IGFBP3: variants seen among roughly 807,000 people sequenced by gnomAD.
IGFBP3 encodes the protein insulin-like growth factor-binding protein 3.
IGFBP3 carries 9 observed loss-of-function variants against 28.6 expected under a neutral mutation model. The ratio of observed to expected loss-of-function variants is 0.31; its 90% CI spans 0.19 to 0.55. The LOEUF is 0.55. IGFBP3 is among the 20% of genes least tolerant of loss of function. IGFBP3 has a pLI of 0.93. For missense variants in IGFBP3, 382 were observed against 428.9 expected, an observed-to-expected ratio of 0.89 and a Z score of 0.97; for synonymous variants, 185 against 188.2, an observed-to-expected ratio of 0.98 and a Z score of 0.14.
chr7:45,921,243 C>T lies in IGFBP3; in HGVS notation c.-103G>A. 1.3e-5 allele frequency: 17 copies of T among 1,344,884 alleles called. No homozygotes were observed. The highest frequency in any genetic ancestry group is 1.7e-5 in the Non-Finnish European group (17 of 987,540). 83.3% of individuals were successfully genotyped at this position (1,344,884 alleles called of 1,614,324 possible). ...GGAATCCAGGCAGGAAGCGGCTGAT[C>T]CTCAGCGCCCAGCCGCAGTGCTCGC... On this transcript the variant is annotated 5_prime_UTR_variant, in exon 1 of 5. Coordinates refer to ENST00000613132, the MANE Select transcript of IGFBP3 (RefSeq NM_000598.5).
chr7:45,917,370 T>G lies in IGFBP3; in HGVS notation c.473A>C (p.His158Pro), dbSNP rs9282734. 14,881 of 1,614,050 alleles carry G rather than the reference T, an allele frequency of 9.2e-3. 371 individuals carry two copies. The highest frequency in any genetic ancestry group is 0.09 in the East Asian group (4,041 of 44,860). Residue 158 changes from histidine (H) to proline (P), a missense_variant, in exon 2 of 5, where the codon CAC becomes CCC. Coordinates refer to ENST00000613132, the MANE Select transcript of IGFBP3 (RefSeq NM_000598.5). ...SVESPSVSST[H>P]RVSDPKFHPL... ...GTGGAACTTGGGATCAGACACCCGG[T>G]GCGTGCTGGAGACGGACGGGCTCTC...
Position 45,916,541 on chromosome 7 carries a change from C to T in IGFBP3, c.750+7G>A. On this transcript the variant is annotated splice_region_variant and intron_variant, in intron 3 of 4. Transcript: ENST00000613132. ...GAGGAAGAAAACACACTGAGGACCT[C>T]ACTCACCTGCTTTTTCTTATAAAAT... is the stretch of plus-strand genomic sequence containing the variant. 6.2e-7 allele frequency: 1 copy of T among 1,609,536 alleles called. No individual in the cohort carries two copies. The highest frequency in any genetic ancestry group is 8.5e-7 in the Non-Finnish European group (1 of 1,176,346).
At chr7:45,920,559 T>A (rs1784670657) in intron 1 of IGFBP3, 179 bp downstream of exon 1, 1 of 497,324 alleles carries the variant, frequency 2.0e-6, no homozygotes, top group Middle Eastern at 5.4e-4. Context: ...GAGGGCCGGC[T>A]GGGGAGGGTC....
At chr7:45,916,031 C>A (rs1562580543) in intron 3 of IGFBP3, among the ~76,000 whole-genome samples, 1 of 152,232 alleles carries the variant, frequency 6.6e-6, no homozygotes, top group Admixed American at 6.5e-5. Context: ...GAGTCACCAA[C>A]ATCTAGCAAC....
chr7:45,917,845 C>T (rs919931134), intron 1 of IGFBP3, among the ~76,000 whole-genome samples: 2 of 152,182 alleles, frequency 1.3e-5, no homozygotes, highest in African/African-American at 2.4e-5. Context: ...TCCTCCCACC[C>T]GCGGGAGCAG....
At chr7:45,920,708 C>T in intron 1 of IGFBP3, 30 bp downstream of exon 1, 1 of 1,365,062 alleles carries the variant, frequency 7.3e-7, no homozygotes, top group South Asian at 1.8e-5. Flanking sequence ...CCGGGTGCTG[C>T]ACGCAGCGCA....
intron 4 of IGFBP3, 85 bp downstream of exon 4, chr7:45,914,720 G>A (rs1784585455): frequency 1.5e-6 from 2 of 1,350,460 alleles, no homozygotes; most frequent in African/African-American, 2.9e-5. Context: ...GCCTGGGGAA[G>A]GGCCAGTGGC....
chr7:45,917,151 C>T (rs1365064122), intron 2 of IGFBP3, 62 bp downstream of exon 2: 21 of 1,375,148 alleles, frequency 1.5e-5, no homozygotes, highest in East Asian at 6.9e-5. Context: ...CCTCAAGAGG[C>T]TCTGAGTACC....
rs17847676 is a variant in IGFBP3, at chr7:45,914,941, C to T, written c.755G>A (p.Arg252His). The T allele has an allele frequency of 1.3e-4, 217 of 1,613,952 alleles. 2 individuals are homozygous for T. In the East Asian group the frequency reaches 3.7e-3, roughly 28 times the overall value. Residue 252 changes from arginine to histidine, a missense_variant, in exon 4 of 5, where the codon CGC (arginine) becomes CAC (histidine). By Grantham distance (29) the Arg-to-His change is conservative. Coordinates refer to ENST00000613132, the MANE Select transcript of IGFBP3 (RefSeq NM_000598.5). ...KKGFYKKKQC[R>H]PSKGRKRGFC... ...GCCCCGCTTCCTGCCTTTGGAAGGG[C>T]GACACTGTGGGAGAGAAACAGAAGA...
intron 3 of IGFBP3, among the ~76,000 whole-genome samples, chr7:45,915,774 G>A (rs35890775): frequency 0.019 from 2,946 of 152,312 alleles, 59 homozygotes; most frequent in East Asian, 0.075. Context: ...TGACTCTCAT[G>A]CCTTCTTCTC....
chr7:45,920,743 G>T lies in IGFBP3; in HGVS notation c.398C>A (p.Ala133Asp). ...ACCTGGCGCGGGCGGCTCACCTGGA[G>T]CTGGCGGCGCTGGCAGCAGGTAGGC... ...LRAYLLPAPP[A>D]PGNASESEED... The change falls in exon 1 of 5, where the codon GCT (alanine) becomes GAT (aspartate). Residue 133 changes from alanine to aspartate, a missense_variant. Coordinates refer to ENST00000613132, the MANE Select transcript of IGFBP3 (RefSeq NM_000598.5). 1 of 1,413,332 alleles carries T rather than the reference G, an allele frequency of 7.1e-7. No individual in the cohort carries two copies. Among genetic ancestry groups the T allele is most frequent in the Non-Finnish European group, 9.2e-7 (1 of 1,091,946 alleles). The allele number at this position is 1,413,332 out of a possible 1,614,324, so 87.5% of individuals were successfully genotyped here. A position where few individuals can be genotyped will look rare whatever the true frequency, so the allele number is the denominator to read the frequency against.
In IGFBP3 at chr7:45,915,267, G is replaced by A. The variant is rs146874773; in HGVS notation, c.751-322C>T. 1.1e-3 allele frequency: 300 copies of A among 265,622 alleles called. 2 individuals carry two copies. Among genetic ancestry groups the A allele is most frequent in the African/African-American group, 5.7e-3 (258 of 45,030 alleles). 16.5% of individuals were successfully genotyped at this position (265,622 alleles called of 1,614,324 possible). ...CAAATGTGGGACTGAGAACATCCCC[G>A]CTGCCTGCGAATGTCACAGCTATGA... On this transcript the variant is annotated intron_variant, in intron 3 of 4. Transcript: ENST00000613132.
chr7:45,915,902 G>A (rs1250840160), intron 3 of IGFBP3, among the ~76,000 whole-genome samples: 1 of 152,136 alleles, frequency 6.6e-6, no homozygotes, highest in African/African-American at 2.4e-5. Context: ...TCCCCTCCAC[G>A]CCAAGACAGA....
chr7:45,914,979 T>C lies in IGFBP3; in HGVS notation c.751-34A>G, dbSNP rs1278162491. 3.1e-6 allele frequency: 5 copies of C among 1,611,542 alleles called. No individual in the cohort carries two copies. In the African/African-American group the frequency reaches 5.3e-5, roughly 17 times the overall value. Reference sequence around the variant, plus strand: ...GAGAAACAGAAGACAGAGAAGTGAATGCTCCTGGGTCTGGTGTCAGGTCGG... The same window carrying C: ...GAGAAACAGAAGACAGAGAAGTGAACGCTCCTGGGTCTGGTGTCAGGTCGG... On this transcript the variant is annotated intron_variant, in intron 3 of 4. Coordinates refer to ENST00000613132, the MANE Select transcript of IGFBP3 (RefSeq NM_000598.5).
At chr7:45,917,121 G>T in intron 2 of IGFBP3, 92 bp downstream of exon 2, 1 of 1,046,234 alleles carries the variant, frequency 9.6e-7, no homozygotes. Context: ...AGGCGCTGGG[G>T]TTTGTTGAGT....
intron 1 of IGFBP3, 116 bp downstream of exon 1, chr7:45,920,621 AT>A: frequency 9.6e-7 from 1 of 1,046,284 alleles, no homozygotes; most frequent in Non-Finnish European, 1.2e-6. Flanking sequence ...TTCCCCACAT[AT>A]TATCTCCAGT....
chr7:45,920,845 T>G lies in IGFBP3; in HGVS notation c.296A>C (p.Asp99Ala). Residue 99 changes from aspartate (D) to alanine (A), a missense_variant, in exon 1 of 5, where the codon GAC becomes GCC. Transcript: ENST00000613132. ...GSGLRCQPSP[D>A]EARPLQALLD... ...CAGCGCCTGCAGCGGTCGCGCCTCG[T>G]CGGGCGACGGCTGGCAGCGAAGGCC... The G allele has an allele frequency of 7.1e-7, 1 of 1,412,052 alleles. No individual in the cohort carries two copies. The highest frequency in any genetic ancestry group is 1.5e-5 in the South Asian group (1 of 67,464). The allele number at this position is 1,412,052 out of a possible 1,614,324, so 87.5% of individuals were successfully genotyped here.
intron 1 of IGFBP3, among the ~76,000 whole-genome samples, chr7:45,918,422 T>C (rs1166559536): frequency 6.6e-6 from 1 of 152,232 alleles, no homozygotes; most frequent in Non-Finnish European, 1.5e-5. Context: ...TATGACTAAA[T>C]TCAAGACTGG....
At chr7:45,917,187 C>T in intron 2 of IGFBP3, 26 bp downstream of exon 2, 1 of 1,578,566 alleles carries the variant, frequency 6.3e-7, no homozygotes, top group Non-Finnish European at 8.7e-7. Context: ...TTGCCCTCCT[C>T]CTTTAACAAG....
Sources: allele counts gnomAD v4.1 joint callset (sites outside exome capture counted in the v4.1 genomes callset), GRCh38; gene constraint gnomAD v4.1.1; transcripts MANE v1.5; gene names NCBI Gene and HGNC (gene_info 2026-07-23, HGNC 2026-07-21).